STIM1: variants seen among roughly 807,000 people sequenced by gnomAD.
STIM1 encodes the protein stromal interaction molecule 1.
Under a neutral mutation model 74.7 loss-of-function variants are expected in STIM1, and 25 were observed. The observed-to-expected ratio is 0.33, with a 90% CI of 0.24 to 0.47. The LOEUF (loss-of-function observed/expected upper bound fraction) is 0.47, where lower values mean the gene tolerates loss of function less well. Among genes scored for constraint, STIM1 ranks in the 20% least tolerant of loss-of-function variants. STIM1 has a pLI of 1.00. For synonymous variants in STIM1, 328 were observed against 348.8 expected (o/e 0.94, Z 0.66); for missense variants, 728 against 920.8 (o/e 0.79, Z 2.71).
intron 3 of STIM1, among the ~76,000 whole-genome samples, chr11:4,051,445 C>T (rs930305531): frequency 6.6e-6 from 1 of 150,994 alleles, no homozygotes; most frequent in Non-Finnish European, 1.5e-5. Flanking sequence ...CGAGTTCAAG[C>T]GATTTTCCTG....
rs2094132423 is a variant in STIM1, at chr11:4,039,604, AAC to A, written c.385+15618_385+15619del. On this transcript the variant is annotated intron_variant, in intron 3 of 12. Coordinates refer to ENST00000526596, the MANE Select transcript of STIM1 (RefSeq NM_001382567.1). ...CCATCTCAAAAAAAAAAAAAAAAAA[AAC>A]GAAAGAAAGAAAATGTCAGTGATTT... 4.6e-5 allele frequency among the ~76,000 whole-genome samples: 7 copies of A among 150,882 alleles called. No individual in the cohort carries two copies. In the South Asian group the frequency reaches 8.4e-4, roughly 18 times the overall value.
At chr11:4,032,794 T>A (rs1440538720) in intron 3 of STIM1, among the ~76,000 whole-genome samples, 1 of 152,248 alleles carries the variant, frequency 6.6e-6, no homozygotes, top group African/African-American at 2.4e-5. Context: ...TGGTATTTTT[T>A]AAAATCATGG....
chr11:3,910,797 T>C (rs12295138), intron 1 of STIM1, among the ~76,000 whole-genome samples: 36,462 of 147,962 alleles, frequency 0.25, 5,614 homozygotes, highest in South Asian at 0.46. Context: ...CTGACCAACA[T>C]GGTGAAACCC....
intron 1 of STIM1, among the ~76,000 whole-genome samples, chr11:3,866,444 T>G (rs1450621683): frequency 2.6e-5 from 4 of 151,460 alleles, no homozygotes; most frequent in South Asian, 2.1e-4. Context: ...TTTTTTTTTT[T>G]TGTGACAGAG....
intron 1 of STIM1, among the ~76,000 whole-genome samples, chr11:3,950,820 G>A (rs182264864): frequency 1.3e-5 from 2 of 152,214 alleles, no homozygotes; most frequent in East Asian, 3.9e-4. Context: ...TGTAGAGACA[G>A]GATCTTGCTT....
intron 1 of STIM1, among the ~76,000 whole-genome samples, chr11:3,911,259 A>G (rs1027293790): frequency 2.0e-5 from 3 of 152,074 alleles, no homozygotes; most frequent in Non-Finnish European, 2.9e-5. Flanking sequence ...TTGCTTTCCT[A>G]TTTCTCAGAG....
chr11:3,968,063 G>GGATA (rs1212532505), intron 2 of STIM1, among the ~76,000 whole-genome samples: 1 of 152,132 alleles, frequency 6.6e-6, no homozygotes, highest in Non-Finnish European at 1.5e-5. Flanking sequence ...TTGGCATGAG[G>GGATA]GATAGAAGAT....
At chr11:4,000,854 T>C (rs2093708939) in intron 2 of STIM1, among the ~76,000 whole-genome samples, 2 of 152,056 alleles carry the variant, frequency 1.3e-5, no homozygotes, top group Admixed American at 6.5e-5. Flanking sequence ...TTTAGACGAA[T>C]GTATAACTAG....
chr11:4,037,485 A>G (rs563465143), intron 3 of STIM1, among the ~76,000 whole-genome samples: 10 of 152,254 alleles, frequency 6.6e-5, no homozygotes, highest in African/African-American at 2.4e-4. Flanking sequence ...AAGATTTAGG[A>G]TGATTATTTC....
At chr11:3,904,674 G>A (rs1439446513) in intron 1 of STIM1, among the ~76,000 whole-genome samples, 1 of 152,154 alleles carries the variant, frequency 6.6e-6, no homozygotes, top group Non-Finnish European at 1.5e-5. Flanking sequence ...AAGGGTAGTG[G>A]TCATGGGGGT....
rs11828037 is a variant in STIM1 at position 3,855,664 on chromosome 11, A to G, written c.-607A>G. On this transcript the variant is annotated 5_prime_UTR_variant, in exon 1 of 13. Transcript: ENST00000526596. Reference sequence around the variant, plus strand: ...CGCCCCGCGCCGCCCGCCCGCCTGGAAGCCGCTGTCCTGGGCCTGGCCGGT... The same window carrying G: ...CGCCCCGCGCCGCCCGCCCGCCTGGGAGCCGCTGTCCTGGGCCTGGCCGGT... 0.48 allele frequency: 68,837 copies of G among 144,910 alleles called. 16,186 individuals carry two copies. Among genetic ancestry groups the G allele is most frequent in the South Asian group, 0.56 (2,583 of 4,638 alleles). The allele number at this position is 144,910 out of a possible 1,614,324, so 9.0% of individuals were successfully genotyped here.
intron 1 of STIM1, among the ~76,000 whole-genome samples, chr11:3,940,560 A>G (rs2092992218): frequency 6.6e-6 from 1 of 152,188 alleles, no homozygotes; most frequent in African/African-American, 2.4e-5. Flanking sequence ...TGATGTGTGT[A>G]AAGCACCAAC....
chr11:4,006,767 TTGTGGGCTGGA>T (rs2093785955), intron 2 of STIM1, among the ~76,000 whole-genome samples: 1 of 152,056 alleles, frequency 6.6e-6, no homozygotes, highest in Non-Finnish European at 1.5e-5. Context: ...GTTCTAAATA[TTGTGGGCTGGA>T]TGGGGGTTGG....
intron 8 of STIM1, 54 bp downstream of exon 8, chr11:4,082,405 TA>T: frequency 6.6e-7 from 1 of 1,515,548 alleles, no homozygotes; most frequent in East Asian, 2.4e-5. Flanking sequence ...TTCTCCTTTT[TA>T]CCTGCATATC....
intron 1 of STIM1, among the ~76,000 whole-genome samples, chr11:3,895,454 T>C (rs2092033051): frequency 6.6e-6 from 1 of 152,172 alleles, no homozygotes; most frequent in African/African-American, 2.4e-5. Flanking sequence ...TGTGTAGCAC[T>C]TTTTGGTCAC....
chr11:3,966,141 A>G (rs188119665), intron 1 of STIM1, among the ~76,000 whole-genome samples: 34 of 152,308 alleles, frequency 2.2e-4, no homozygotes, highest in Middle Eastern at 6.8e-3. Flanking sequence ...ACCCTAGCAA[A>G]AAGGCAGTGG....
At chr11:3,946,119 A>G (rs192936716) in intron 1 of STIM1, among the ~76,000 whole-genome samples, 87 of 152,326 alleles carry the variant, frequency 5.7e-4, no homozygotes, top group Non-Finnish European at 1.1e-3. Context: ...TCCCAACTAT[A>G]TCAATGGGGT....
chr11:4,062,552 G>A (rs1254418508), intron 5 of STIM1, among the ~76,000 whole-genome samples: 2 of 152,228 alleles, frequency 1.3e-5, no homozygotes, highest in Admixed American at 1.3e-4. Context: ...AACCTGGGAG[G>A]CAGAGGTTGC....
chr11:4,039,003 A>C (rs1432122071), intron 3 of STIM1, among the ~76,000 whole-genome samples: 1 of 152,248 alleles, frequency 6.6e-6, no homozygotes, highest in East Asian at 1.9e-4. Flanking sequence ...ATTTTGAAAG[A>C]ATAAATACTG....
Sources: allele counts gnomAD v4.1 joint callset (sites outside exome capture counted in the v4.1 genomes callset), GRCh38; gene constraint gnomAD v4.1.1; transcripts MANE v1.5; gene names NCBI Gene and HGNC (gene_info 2026-07-23, HGNC 2026-07-21).